Variants in TANC1 observed in about 807,000 individuals in gnomAD.
The protein encoded by TANC1 is protein TANC1.
A neutral mutation model predicts 149.7 loss-of-function variants in TANC1; 77 were observed. The observed-to-expected ratio is 0.51, with a 90% confidence interval of 0.43 to 0.62. The LOEUF (loss-of-function observed/expected upper bound fraction) is 0.62, where lower values mean the gene tolerates loss of function less well. TANC1 is among the 20% of genes least tolerant of loss of function. The pLI is 0.00. For synonymous variants in TANC1, 854 were observed against 925.0 expected (o/e 0.92, Z 1.39); for missense variants, 1,985 against 2,321.8 (o/e 0.85, Z 2.98).
chr2:159,107,211 G>C (rs2047271084), intron 4 of TANC1, among the ~76,000 whole-genome samples: 1 of 151,956 alleles, frequency 6.6e-6, no homozygotes, highest in Non-Finnish European at 1.5e-5. Context: ...ATTTTTAGTA[G>C]AGAGGGCATT....
intron 1 of TANC1, among the ~76,000 whole-genome samples, chr2:158,986,246 G>A (rs914166836): frequency 2.1e-5 from 3 of 139,952 alleles, no homozygotes; most frequent in African/African-American, 9.9e-5. Context: ...GGGATGAAAA[G>A]GAATACTTAG....
At chr2:158,973,331 T>C (rs1246902124) in intron 1 of TANC1, among the ~76,000 whole-genome samples, 1 of 152,116 alleles carries the variant, frequency 6.6e-6, no homozygotes, top group East Asian at 1.9e-4. Flanking sequence ...TCATGAACAG[T>C]GGCTTATTAC....
chr2:159,038,200 T>G (rs1415503740), intron 2 of TANC1, among the ~76,000 whole-genome samples: 1 of 152,218 alleles, frequency 6.6e-6, no homozygotes, highest in Non-Finnish European at 1.5e-5. Flanking sequence ...TGCCCATTGA[T>G]TTTGTATCCT....
At chr2:159,220,653 A>G (rs760097811) in intron 22 of TANC1, among the ~76,000 whole-genome samples, 3 of 151,988 alleles carry the variant, frequency 2.0e-5, no homozygotes, top group Non-Finnish European at 2.9e-5. Flanking sequence ...GCTGGAGTGC[A>G]GTGGTGTGAT....
At chr2:159,008,637 T>C (rs2037458636) in intron 2 of TANC1, among the ~76,000 whole-genome samples, 1 of 152,206 alleles carries the variant, frequency 6.6e-6, no homozygotes, top group South Asian at 2.1e-4. Flanking sequence ...AGACTCATAG[T>C]TGTCTGAATG....
At chr2:159,204,072 A>C (rs764131942) in intron 19 of TANC1, among the ~76,000 whole-genome samples, 2 of 152,248 alleles carry the variant, frequency 1.3e-5, no homozygotes, top group African/African-American at 4.8e-5. Context: ...CTGAGGAACA[A>C]TAGTTTAAAA....
intron 2 of TANC1, among the ~76,000 whole-genome samples, chr2:159,027,541 A>AT (rs1212710818): frequency 6.6e-6 from 1 of 152,212 alleles, no homozygotes; most frequent in Non-Finnish European, 1.5e-5. Context: ...CTTGAAGAAG[A>AT]TTCAGACTTT....
intron 7 of TANC1, among the ~76,000 whole-genome samples, chr2:159,160,794 G>A (rs1045590960): frequency 1.3e-5 from 2 of 152,158 alleles, no homozygotes; most frequent in Non-Finnish European, 2.9e-5. Flanking sequence ...GCAGCAGAAG[G>A]GCTGCCTCTT....
chr2:159,051,505 T>C (rs1040234309), intron 2 of TANC1, among the ~76,000 whole-genome samples: 2 of 152,200 alleles, frequency 1.3e-5, no homozygotes, highest in African/African-American at 4.8e-5. Context: ...GAAAAACATC[T>C]GATGTTCATA....
intron 3 of TANC1, among the ~76,000 whole-genome samples, chr2:159,086,952 G>A (rs2044940936): frequency 6.6e-6 from 1 of 151,142 alleles, no homozygotes; most frequent in South Asian, 2.1e-4. Flanking sequence ...AACAGTCATT[G>A]TGGTGTTCCG....
chr2:159,207,347 G>C (rs2058675228), intron 19 of TANC1, among the ~76,000 whole-genome samples: 1 of 152,206 alleles, frequency 6.6e-6, no homozygotes, highest in South Asian at 2.1e-4. Context: ...CTCATAGAAG[G>C]CTGTTGGATG....
At chr2:159,154,517 C>T (rs1225703513) in intron 7 of TANC1, among the ~76,000 whole-genome samples, 1 of 152,178 alleles carries the variant, frequency 6.6e-6, no homozygotes, top group African/African-American at 2.4e-5. Flanking sequence ...TACTGGGCCC[C>T]TCCAGTCTTC....
intron 4 of TANC1, among the ~76,000 whole-genome samples, chr2:159,112,638 G>A (rs2047860128): frequency 6.8e-6 from 1 of 146,152 alleles, no homozygotes; most frequent in South Asian, 2.3e-4. Context: ...CACAATCACA[G>A]CTCACTGCAT....
intron 4 of TANC1, among the ~76,000 whole-genome samples, chr2:159,120,907 T>C (rs35298716): frequency 0.24 from 36,296 of 152,132 alleles, 5,725 homozygotes; most frequent in Non-Finnish European, 0.36. Context: ...GGCCTCTCCT[T>C]TCTCTTTTAC....
intron 3 of TANC1, among the ~76,000 whole-genome samples, chr2:159,083,597 A>T (rs2044508027): frequency 6.6e-6 from 1 of 152,186 alleles, no homozygotes; most frequent in African/African-American, 2.4e-5. Context: ...TTTCATACTG[A>T]TACTTGCAAG....
Position 158,981,493 on chromosome 2 carries a change from A to ATT in TANC1, c.-126+12712_-126+12713insTT, listed in dbSNP as rs1277504852. On this transcript the variant is annotated intron_variant, in intron 1 of 26. Coordinates refer to ENST00000263635, the MANE Select transcript of TANC1 (RefSeq NM_033394.3). ...GTTTAGCAATTAATATATAGCTTTT[A>ATT]TATATATATATATATATATATATAT... Among the ~76,000 whole-genome samples, 27 of 48,560 alleles carry ATT rather than the reference A, an allele frequency of 5.6e-4. 2 individuals are homozygous for ATT. In the East Asian group the frequency reaches 7.3e-3, roughly 13 times the overall value. 31.9% of individuals were successfully genotyped at this position (48,560 alleles called of 152,430 possible). A position where few individuals can be genotyped will look rare whatever the true frequency, so the allele number is the denominator to read the frequency against.
rs921508892 is a variant in TANC1, at chr2:159,042,229, G to A, written c.-15-23667G>A. On this transcript the variant is annotated intron_variant, in intron 2 of 26. Coordinates refer to ENST00000263635, the MANE Select transcript of TANC1 (RefSeq NM_033394.3). ...ACCCAGCCTCGGCACGCACAAACCTGTTAGCACCCTGGTGCCCTGCCAAGG... is the reference window on the plus strand; with the variant it reads ...ACCCAGCCTCGGCACGCACAAACCTATTAGCACCCTGGTGCCCTGCCAAGG... Among the ~76,000 whole-genome samples the A allele has an allele frequency of 3.9e-5, 6 of 152,170 alleles. No homozygotes were observed. The East Asian group carries it at 1.2e-3, about 29-fold the overall frequency.
chr2:158,981,513 A>G (rs1484633058), intron 1 of TANC1, among the ~76,000 whole-genome samples: 2 of 114,996 alleles, frequency 1.7e-5, no homozygotes, highest in East Asian at 5.1e-4. Flanking sequence ...ATATATATAT[A>G]TATATATATA....
At chr2:158,997,002 C>T (rs2036195073) in intron 1 of TANC1, among the ~76,000 whole-genome samples, 1 of 151,384 alleles carries the variant, frequency 6.6e-6, no homozygotes, top group Admixed American at 6.6e-5. Flanking sequence ...AAAAAATCTA[C>T]CTGCTTTACA....
Sources: allele counts gnomAD v4.1 joint callset (sites outside exome capture counted in the v4.1 genomes callset), GRCh38; gene constraint gnomAD v4.1.1; transcripts MANE v1.5; gene names NCBI Gene and HGNC (gene_info 2026-07-23, HGNC 2026-07-21).